Variants in EML4 observed in about 807,000 individuals in gnomAD.
The protein encoded by EML4 is echinoderm microtubule-associated protein-like 4.
In EML4, 72 loss-of-function variants were observed where a neutral mutation model predicts 129.0. The ratio of observed to expected loss-of-function variants is 0.56; its 90% CI spans 0.46 to 0.68. The LOEUF (loss-of-function observed/expected upper bound fraction) is 0.68. EML4 is among the 30% of genes least tolerant of loss of function. The probability of loss-of-function intolerance (pLI) is 0.00; values close to 1 mark genes in which losing one functional copy is unlikely to be tolerated. For missense variants in EML4, 1,363 were observed against 1,190.6 expected, an observed-to-expected ratio of 1.14 and a Z score of -2.13; for synonymous variants, 532 against 405.0, an observed-to-expected ratio of 1.31 and a Z score of -3.77.
At chr2:42,215,125 T>TTATGGCTCAC (rs1673106888) in intron 1 of EML4, among the ~76,000 whole-genome samples, 1 of 152,162 alleles carries the variant, frequency 6.6e-6, no homozygotes, top group Admixed American at 6.5e-5. Context: ...AGTGGCGTGA[T>TTATGGCTCAC]TATGGCTCAC....
In EML4 at chr2:42,288,447, T is replaced by G. The variant is rs1162465229; in HGVS notation, c.1218+125T>G. 8 of 464,606 alleles carry G rather than the reference T, an allele frequency of 1.7e-5. No individual in the cohort carries two copies. In the East Asian group the frequency reaches 2.7e-4, roughly 16 times the overall value. The allele number at this position is 464,606 out of a possible 1,614,324, so 28.8% of individuals were successfully genotyped here. ...GCAAAAGCAGATCTACTAGCCAAAT[T>G]CAGCAAATTTAGTGATTTGTCATAA... On this transcript the variant is annotated intron_variant, in intron 11 of 22. Coordinates refer to ENST00000318522, the MANE Select transcript of EML4 (RefSeq NM_019063.5).
At chr2:42,201,817 C>T (rs753186968) in intron 1 of EML4, among the ~76,000 whole-genome samples, 2 of 151,732 alleles carry the variant, frequency 1.3e-5, no homozygotes, top group Non-Finnish European at 2.9e-5. Context: ...CATGGTGGCT[C>T]AGGCCTGTAA....
chr2:42,207,345 A>C (rs541071288), intron 1 of EML4, among the ~76,000 whole-genome samples: 1 of 152,180 alleles, frequency 6.6e-6, no homozygotes, highest in Non-Finnish European at 1.5e-5. Context: ...TAAGTAATTT[A>C]AAGAATGTAA....
At chr2:42,311,673 G>C (rs1668961124) in intron 17 of EML4, among the ~76,000 whole-genome samples, 2 of 152,074 alleles carry the variant, frequency 1.3e-5, no homozygotes, top group African/African-American at 4.8e-5. Context: ...GTCTGAATTG[G>C]GATATTATTT....
chr2:42,185,858 A>G (rs968383795), intron 1 of EML4, among the ~76,000 whole-genome samples: 1 of 152,204 alleles, frequency 6.6e-6, no homozygotes, highest in Non-Finnish European at 1.5e-5. Context: ...TAGGAGAGAC[A>G]TGAAGGGCCT....
At chr2:42,196,543 A>C (rs10183437) in intron 1 of EML4, among the ~76,000 whole-genome samples, 22 of 152,160 alleles carry the variant, frequency 1.4e-4, no homozygotes, top group African/African-American at 5.1e-4. Flanking sequence ...TGAGACTATG[A>C]TAAGAGTTCC....
At chr2:42,278,445 A>G (rs892921395) in intron 6 of EML4, among the ~76,000 whole-genome samples, 64 of 152,200 alleles carry the variant, frequency 4.2e-4, no homozygotes, top group Non-Finnish European at 1.9e-4. Flanking sequence ...GTGATGGTGC[A>G]TGCCTGTAAT....
chr2:42,314,655 T>C (rs912352244), intron 17 of EML4, among the ~76,000 whole-genome samples: 1 of 152,234 alleles, frequency 6.6e-6, no homozygotes, highest in Non-Finnish European at 1.5e-5. Context: ...TTACTTTTAA[T>C]GTATTTGTTC....
chr2:42,198,376 G>T (rs1672018361), intron 1 of EML4, among the ~76,000 whole-genome samples: 2 of 152,124 alleles, frequency 1.3e-5, no homozygotes, highest in Admixed American at 6.6e-5. Flanking sequence ...ACTGGGGGAA[G>T]GCTTGGTGTT....
intron 1 of EML4, among the ~76,000 whole-genome samples, chr2:42,244,075 TTTTTTGTTTTTTG>T (rs1458879783): frequency 1.4e-5 from 1 of 70,568 alleles, no homozygotes; most frequent in Admixed American, 1.2e-4. Flanking sequence ...GTTTTTTTTG[TTTTTTGTTTTTTG>T]TTTTTGTTTT....
intron 1 of EML4, chr2:42,170,154 C>T (rs1670183480): frequency 6.5e-6 from 1 of 152,970 alleles, no homozygotes; most frequent in Non-Finnish European, 1.5e-5. Context: ...GCCCCCAAGT[C>T]TTCACTTTAG....
chr2:42,319,604 G>C (rs899391161), intron 19 of EML4: 2 of 152,158 alleles, frequency 1.3e-5, no homozygotes, highest in African/African-American at 2.4e-5. Context: ...TCTATTGTCT[G>C]CTGTTATATA....
intron 6 of EML4, among the ~76,000 whole-genome samples, chr2:42,267,014 T>C (rs1019548055): frequency 1.3e-5 from 2 of 152,222 alleles, no homozygotes; most frequent in Non-Finnish European, 2.9e-5. Flanking sequence ...AACAATGTCA[T>C]GTAGATGTTT....
At chr2:42,189,723 T>G (rs1472923794) in intron 1 of EML4, among the ~76,000 whole-genome samples, 2 of 152,224 alleles carry the variant, frequency 1.3e-5, no homozygotes, top group African/African-American at 2.4e-5. Flanking sequence ...TATCATACAG[T>G]TAGTGTGATA....
chr2:42,259,362 A>T (rs534320463), intron 3 of EML4, among the ~76,000 whole-genome samples: 1 of 152,262 alleles, frequency 6.6e-6, no homozygotes, highest in African/African-American at 2.4e-5. Flanking sequence ...AATATTGTCA[A>T]GAGTGTTTTC....
chr2:42,316,943 A>G (rs994493069), intron 18 of EML4, among the ~76,000 whole-genome samples: 2 of 152,214 alleles, frequency 1.3e-5, no homozygotes, highest in African/African-American at 2.4e-5. Context: ...TAACCACTGC[A>G]AATATAGCTG....
At chr2:42,236,860 C>T (rs1375257676) in intron 1 of EML4, among the ~76,000 whole-genome samples, 4 of 152,158 alleles carry the variant, frequency 2.6e-5, no homozygotes, top group Non-Finnish European at 5.9e-5. Context: ...GTCTGGTACG[C>T]ATAAGATAGT....
Position 42,264,710 on chromosome 2 carries a change from A to G in EML4, c.646A>G (p.Lys216Glu), listed in dbSNP as rs2104398076. The change falls in exon 6 of 23, where the codon AAA (lysine) becomes GAA (glutamate). Residue 216 changes from lysine to glutamate, a missense_variant. Physicochemically the swap from Lys to Glu is moderately conservative, Grantham distance 56. Transcript: ENST00000318522. Reference protein sequence around the residue: ...PKVTKTADKHKDVIINQEGEY... With the variant: ...PKVTKTADKHEDVIINQEGEY... The stretch of plus-strand genomic sequence containing the variant: ...TTTCTTAAATTTCTTTTCTAGGCAT[A>G]AAGATGTCATCATCAACCAAGGTAA... The G allele has an allele frequency of 7.0e-7, 1 of 1,434,924 alleles. No individual in the cohort carries two copies. Among genetic ancestry groups the G allele is most frequent in the South Asian group, 1.2e-5 (1 of 83,836 alleles). 88.9% of individuals were successfully genotyped at this position (1,434,924 alleles called of 1,614,324 possible).
At chr2:42,221,517 C>T (rs1005618283) in intron 1 of EML4, among the ~76,000 whole-genome samples, 1 of 150,238 alleles carries the variant, frequency 6.7e-6, no homozygotes, top group Non-Finnish European at 1.5e-5. Flanking sequence ...CCAAGCAATC[C>T]TCCCACCTGA....
Sources: gnomAD v4.1 joint callset for allele counts (sites outside exome capture counted in the v4.1 genomes callset) on GRCh38, gnomAD v4.1.1 for gene constraint, MANE v1.5 for transcripts, NCBI Gene and HGNC (gene_info 2026-07-23, HGNC 2026-07-21) for gene names.